The following HSDL1 variants were observed in gnomAD, a reference collection of about 807,000 sequenced individuals.
HSDL1 encodes the protein hydroxysteroid dehydrogenase like 1, also known as inactive hydroxysteroid dehydrogenase-like protein 1.
A neutral mutation model predicts 31.5 loss-of-function variants in HSDL1; 29 were observed. The observed-to-expected ratio is 0.92, with a 90% CI of 0.69 to 1.26. HSDL1 has a LOEUF of 1.26. Among genes scored for constraint, HSDL1 ranks in the 50% most tolerant of loss-of-function variants. The pLI is 0.00. For synonymous variants in HSDL1, 222 were observed against 155.2 expected (o/e 1.43, Z -3.20); for missense variants, 503 against 416.6 (o/e 1.21, Z -1.81).
intron 5 of HSDL1, 194 bp from the exon 6 acceptor site, chr16:84,124,922 C>A: frequency 2.4e-6 from 1 of 419,588 alleles, no homozygotes; most frequent in Non-Finnish European, 4.4e-6. Context: ...AACAAATACC[C>A]ACCAATCACA....
intron 2 of HSDL1, among the ~76,000 whole-genome samples, chr16:84,131,862 G>A (rs868588345): frequency 1.8e-4 from 27 of 152,180 alleles, no homozygotes. Context: ...TGTATTTTTA[G>A]TAGAGACAGG....
intron 5 of HSDL1, among the ~76,000 whole-genome samples, chr16:84,127,716 A>G (rs1049951439): frequency 6.4e-5 from 8 of 124,704 alleles, no homozygotes; most frequent in Admixed American, 1.6e-4. Context: ...TCACACTGGT[A>G]TTTTTTTTTT....
At chr16:84,131,487 ATCT>A in intron 2 of HSDL1, among the ~76,000 whole-genome samples, 160 bp from the exon 3 acceptor site, 1 of 63,130 alleles carries the variant, frequency 1.6e-5, no homozygotes, top group East Asian at 6.2e-4. Flanking sequence ...GTTTCAGTCT[ATCT>A]ATCTATCTAT....
intron 1 of HSDL1, among the ~76,000 whole-genome samples, chr16:84,144,013 C>G (rs1413039175): frequency 1.3e-5 from 2 of 151,134 alleles, no homozygotes; most frequent in Non-Finnish European, 3.0e-5. Context: ...GCGAGATTGT[C>G]TGAATCAATC....
intron 5 of HSDL1, among the ~76,000 whole-genome samples, chr16:84,126,706 G>A (rs1163589840): frequency 6.6e-6 from 1 of 151,510 alleles, no homozygotes; most frequent in South Asian, 2.1e-4. Context: ...AATGGACACA[G>A]GTTACTCTCC....
chr16:84,140,999 G>A (rs545205125), intron 1 of HSDL1, among the ~76,000 whole-genome samples: 1 of 152,120 alleles, frequency 6.6e-6, no homozygotes, highest in East Asian at 1.9e-4. Flanking sequence ...GCTGAGGCAG[G>A]AGAATGGCGT....
At chr16:84,144,672 G>T (rs547506235) in intron 1 of HSDL1, among the ~76,000 whole-genome samples, 154 of 152,152 alleles carry the variant, frequency 1.0e-3, no homozygotes, top group Admixed American at 2.1e-3. Context: ...CTCGGGGGAG[G>T]AGCCGGGTGA....
intron 5 of HSDL1, among the ~76,000 whole-genome samples, chr16:84,125,993 C>T (rs1015235876): frequency 7.9e-5 from 12 of 151,826 alleles, no homozygotes; most frequent in African/African-American, 2.9e-4. Context: ...GTCCCAGCTA[C>T]TCAGGAGGCA....
At chr16:84,142,036 T>C (rs1410730964) in intron 1 of HSDL1, among the ~76,000 whole-genome samples, 1 of 152,156 alleles carries the variant, frequency 6.6e-6, no homozygotes, top group African/African-American at 2.4e-5. Context: ...CAAGCCATCC[T>C]CCCACCTCAG....
At chr16:84,137,266 C>A (rs2086721496) in intron 1 of HSDL1, among the ~76,000 whole-genome samples, 1 of 152,330 alleles carries the variant, frequency 6.6e-6, no homozygotes, top group African/African-American at 2.4e-5. Flanking sequence ...GGCCCGGGCC[C>A]ATGGAGAAAG....
At chr16:84,125,903 A>G (rs1435632621) in intron 5 of HSDL1, among the ~76,000 whole-genome samples, 1 of 152,184 alleles carries the variant, frequency 6.6e-6, no homozygotes, top group Admixed American at 6.5e-5. Context: ...GGAGATCGAG[A>G]CCATCCTGGC....
rs377535328 is a variant in HSDL1 at position 84,142,737 on chromosome 16, C to G, written c.-69+2343G>C. Among the ~76,000 whole-genome samples, 4 of 152,312 alleles carry G rather than the reference C, an allele frequency of 2.6e-5. 1 individual carries two copies. In the South Asian group the frequency reaches 8.3e-4, roughly 32 times the overall value. On this transcript the variant is annotated intron_variant, in intron 1 of 5. Transcript: ENST00000219439. ...GGGATGTGACCGGCCGGATCTCACACATCTTTAATATTCCTCCTCAGCACC... is the reference window on the plus strand; with the variant it reads ...GGGATGTGACCGGCCGGATCTCACAGATCTTTAATATTCCTCCTCAGCACC...
Position 84,123,741 on chromosome 16 carries a change from T to A in HSDL1, c.*889A>T, listed in dbSNP as rs1242913598. 2 of 152,522 alleles carry A rather than the reference T, an allele frequency of 1.3e-5. No homozygotes were observed. Among genetic ancestry groups the A allele is most frequent in the African/African-American group, 4.8e-5 (2 of 41,432 alleles). The allele number at this position is 152,522 out of a possible 1,614,324, so 9.4% of individuals were successfully genotyped here. Reference sequence around the variant, plus strand: ...CAAGCTCTAAAGGGCTAAATTTCAGTTATAAAATGGGTCAGAGGCTGAGAA... The same window carrying A: ...CAAGCTCTAAAGGGCTAAATTTCAGATATAAAATGGGTCAGAGGCTGAGAA... On this transcript the variant is annotated 3_prime_UTR_variant, in exon 6 of 6. Coordinates refer to ENST00000219439, the MANE Select transcript of HSDL1 (RefSeq NM_031463.5).
intron 5 of HSDL1, among the ~76,000 whole-genome samples, chr16:84,125,945 T>C (rs1046214770): frequency 3.3e-5 from 5 of 151,726 alleles, no homozygotes; most frequent in Non-Finnish European, 5.9e-5. Flanking sequence ...CTACTAAAAA[T>C]ACAAAAAATT....
chr16:84,124,588 G>T lies in HSDL1; in HGVS notation c.*42C>A. On this transcript the variant is annotated 3_prime_UTR_variant, in exon 6 of 6. Transcript: ENST00000219439. ...TTTTTCCAAATGTCAGAATATCGAG[G>T]TTCCCAGGAGTTGGCAAAACTTCTC... The T allele has an allele frequency of 1.7e-6, 2 of 1,181,864 alleles. No homozygotes were observed. The highest frequency in any genetic ancestry group is 1.3e-6 in the Non-Finnish European group (1 of 787,570). 73.2% of individuals were successfully genotyped at this position (1,181,864 alleles called of 1,614,324 possible).
chr16:84,127,754 T>G (rs1254219922), intron 5 of HSDL1, among the ~76,000 whole-genome samples: 2 of 148,480 alleles, frequency 1.3e-5, no homozygotes, highest in Non-Finnish European at 3.0e-5. Flanking sequence ...AGTCTTGCTC[T>G]GTCGTCCAGG....
rs2086585713 is a variant in HSDL1 at position 84,124,698 on chromosome 16, G to A, written c.925C>T (p.Leu309Phe). Residue 309 changes from leucine (L) to phenylalanine (F), a missense_variant, in exon 6 of 6, where the codon CTC (leucine) becomes TTC (phenylalanine). Leu to Phe is a conservative substitution (Grantham distance 22). Transcript: ENST00000219439. ...FLFAQYMPEWLWVWGANILNR... is the reference protein window; with the variant it reads ...FLFAQYMPEWFWVWGANILNR... ...AGAATATTTGCTCCCCACACCCAGA[G>A]CCATTCAGGCATATACTGTGCAAAA... is the stretch of plus-strand genomic sequence containing the variant. 2 of 1,613,626 alleles carry A rather than the reference G, an allele frequency of 1.2e-6. No individual in the cohort carries two copies. The highest frequency in any genetic ancestry group is 2.2e-5 in the East Asian group (1 of 44,874).
rs201158980 is a variant in HSDL1, at chr16:84,128,289, C to CA, written c.894+1258dup. ...GGGCAACAAGAGCGGAATTCCATCT[C>CA]AAAAAAAAAAAAATTCTAAACTAGG... On this transcript the variant is annotated intron_variant, in intron 5 of 5. Coordinates refer to ENST00000219439, the MANE Select transcript of HSDL1 (RefSeq NM_031463.5). Among the ~76,000 whole-genome samples the CA allele has an allele frequency of 8.0e-3, 1,107 of 138,040 alleles. 5 individuals carry two copies. The highest frequency in any genetic ancestry group is 0.019 in the Middle Eastern group (5 of 268). 90.6% of individuals were successfully genotyped at this position (138,040 alleles called of 152,430 possible).
intron 1 of HSDL1, among the ~76,000 whole-genome samples, chr16:84,141,830 CT>C (rs967480347): frequency 7.2e-5 from 11 of 152,048 alleles, no homozygotes; most frequent in Non-Finnish European, 1.0e-4. Context: ...TTGTCCTTTC[CT>C]TTTTTTTCTC....
Sources: allele counts gnomAD v4.1 joint callset (sites outside exome capture counted in the v4.1 genomes callset), GRCh38; gene constraint gnomAD v4.1.1; transcripts MANE v1.5; gene names NCBI Gene and HGNC (gene_info 2026-07-23, HGNC 2026-07-21).